The following OSBPL10 variants were observed in gnomAD, a reference collection of about 807,000 sequenced individuals.
The protein encoded by OSBPL10 is oxysterol-binding protein-related protein 10.
In OSBPL10, 49 loss-of-function variants were observed where a neutral mutation model predicts 81.7. The observed-to-expected ratio is 0.60, with a 90% CI of 0.48 to 0.76. The LOEUF (loss-of-function observed/expected upper bound fraction) is 0.76. Ranked by LOEUF, OSBPL10 falls within the 30% of genes least tolerant of loss-of-function variation. The pLI, the probability that OSBPL10 is intolerant of heterozygous loss-of-function variation, is 0.00. For synonymous variants in OSBPL10, 419 were observed against 383.6 expected (o/e 1.09, Z -1.08); for missense variants, 923 against 987.8 (o/e 0.93, Z 0.88).
At chr3:31,816,880 C>T (rs4955207) in intron 4 of OSBPL10, among the ~76,000 whole-genome samples, 106,091 of 151,882 alleles carry the variant, frequency 0.7, 37,486 homozygotes, top group East Asian at 0.93. Flanking sequence ...AGGATGTCTC[C>T]GCAACTCTCA....
chr3:31,901,201 T>G (rs1266027371), intron 1 of OSBPL10, among the ~76,000 whole-genome samples: 1 of 152,176 alleles, frequency 6.6e-6, no homozygotes, highest in Non-Finnish European at 1.5e-5. Context: ...CTTCTAATCA[T>G]CTCCCTCTAC....
At chr3:31,924,531 A>G (rs1161362607) in intron 1 of OSBPL10, among the ~76,000 whole-genome samples, 2 of 152,192 alleles carry the variant, frequency 1.3e-5, no homozygotes, top group Non-Finnish European at 2.9e-5. Flanking sequence ...AAAATTGAAA[A>G]CACAAGCCCA....
chr3:31,720,040 A>T (rs1416030465), intron 6 of OSBPL10, among the ~76,000 whole-genome samples: 1 of 145,588 alleles, frequency 6.9e-6, no homozygotes, highest in East Asian at 1.9e-4. Context: ...AAAAAAGTTA[A>T]AGAACATATA....
chr3:31,915,020 G>A (rs1227048505), intron 1 of OSBPL10, among the ~76,000 whole-genome samples: 2 of 152,094 alleles, frequency 1.3e-5, no homozygotes, highest in African/African-American at 4.8e-5. Flanking sequence ...GCTCCGTGCT[G>A]GAGTGCAGTG....
At chr3:31,733,460 T>A in intron 5 of OSBPL10, 49 bp from the exon 6 acceptor site, 1 of 1,608,602 alleles carries the variant, frequency 6.2e-7, no homozygotes, top group Non-Finnish European at 8.5e-7. Flanking sequence ...AATTAAACAT[T>A]TATAGCTCAT....
chr3:31,673,893 A>G (rs1271048549), intron 8 of OSBPL10, among the ~76,000 whole-genome samples: 3 of 151,866 alleles, frequency 2.0e-5, no homozygotes, highest in Non-Finnish European at 1.5e-5. Flanking sequence ...TCCTGGACTC[A>G]AGCAATCCTC....
chr3:32,070,142 T>C (rs937836621), intron 1 of OSBPL10, among the ~76,000 whole-genome samples: 1 of 152,184 alleles, frequency 6.6e-6, no homozygotes, highest in East Asian at 1.9e-4. Context: ...GTAACTCTTA[T>C]GGTGGAGGGT....
intron 3 of OSBPL10, among the ~76,000 whole-genome samples, chr3:31,842,884 T>A (rs78215394): frequency 0.011 from 1,610 of 152,328 alleles, 25 homozygotes; most frequent in African/African-American, 0.036. Context: ...AGAGCCAGGC[T>A]GAGAATACGT....
chr3:31,818,016 G>A (rs1390788586), intron 4 of OSBPL10, among the ~76,000 whole-genome samples: 1 of 152,174 alleles, frequency 6.6e-6, no homozygotes, highest in Non-Finnish European at 1.5e-5. Context: ...TGAGGTAGGA[G>A]GATGGCTTGA....
intron 2 of OSBPL10, among the ~76,000 whole-genome samples, chr3:31,997,302 G>A (rs554922099): frequency 6.7e-6 from 1 of 150,366 alleles, no homozygotes; most frequent in Non-Finnish European, 1.5e-5. Context: ...CCCTCACTCT[G>A]TCGCCAGGCT....
intron 4 of OSBPL10, among the ~76,000 whole-genome samples, chr3:31,768,946 A>T (rs1315466689): frequency 2.6e-5 from 4 of 152,094 alleles, no homozygotes; most frequent in Non-Finnish European, 5.9e-5. Context: ...TGCCCATTCC[A>T]TTGCTGCCCC....
intron 1 of OSBPL10, among the ~76,000 whole-genome samples, chr3:31,892,213 C>T (rs150854639): frequency 1.3e-4 from 19 of 151,592 alleles, no homozygotes; most frequent in East Asian, 5.9e-4. Context: ...GCCCTGAGGA[C>T]GGAGTGGGGA....
intron 1 of OSBPL10, among the ~76,000 whole-genome samples, chr3:31,919,682 A>G (rs1166759483): frequency 2.6e-5 from 4 of 152,202 alleles, no homozygotes; most frequent in Middle Eastern, 3.2e-3. Flanking sequence ...ATCATTACCA[A>G]AGGTCCAGGG....
At chr3:31,926,849 C>T (rs550360079) in intron 1 of OSBPL10, among the ~76,000 whole-genome samples, 10 of 152,328 alleles carry the variant, frequency 6.6e-5, no homozygotes, top group Admixed American at 5.2e-4. Flanking sequence ...GTGGCTCATG[C>T]CTGTAATCCC....
At chr3:31,713,116 T>A (rs550547870) in intron 6 of OSBPL10, among the ~76,000 whole-genome samples, 5 of 152,292 alleles carry the variant, frequency 3.3e-5, no homozygotes, top group South Asian at 4.2e-4. Flanking sequence ...GTTCATCACA[T>A]AACTCCTAAG....
chr3:31,693,406 C>G (rs1695615225), intron 7 of OSBPL10, among the ~76,000 whole-genome samples: 3 of 152,132 alleles, frequency 2.0e-5, no homozygotes, highest in African/African-American at 7.2e-5. Flanking sequence ...CATCAAGAAG[C>G]CAAAAAGAGA....
intron 8 of OSBPL10, among the ~76,000 whole-genome samples, chr3:31,672,355 C>T (rs926363999): frequency 1.2e-4 from 4 of 33,936 alleles, no homozygotes; most frequent in East Asian, 1.4e-3. Flanking sequence ...CTAGAATTTG[C>T]GGGGGCGGGG....
chr3:31,719,537 A>C (rs936449295), intron 6 of OSBPL10, among the ~76,000 whole-genome samples: 12 of 152,336 alleles, frequency 7.9e-5, no homozygotes, highest in African/African-American at 2.9e-4. Context: ...TTAAAAATAA[A>C]GTGGAAATAA....
intron 1 of OSBPL10, among the ~76,000 whole-genome samples, chr3:31,965,045 T>C (rs1698275660): frequency 6.6e-6 from 1 of 152,060 alleles, no homozygotes; most frequent in African/African-American, 2.4e-5. Flanking sequence ...CAAGTATACA[T>C]GGAACAATCA....
Sources: allele counts gnomAD v4.1 joint callset (sites outside exome capture counted in the v4.1 genomes callset), GRCh38; gene constraint gnomAD v4.1.1; transcripts MANE v1.5; gene names NCBI Gene and HGNC (gene_info 2026-07-23, HGNC 2026-07-21).